Variants in SLC35F1 observed in about 807,000 individuals in gnomAD.
The protein encoded by SLC35F1 is solute carrier family 35 member F1.
Under a neutral mutation model 48.7 loss-of-function variants are expected in SLC35F1, and 14 were observed. That is an observed-to-expected ratio of 0.29 (90% CI 0.19 to 0.45). SLC35F1 has a LOEUF of 0.45. Ranked by LOEUF, SLC35F1 falls within the 20% of genes least tolerant of loss-of-function variation. The pLI is 1.00. For missense variants in SLC35F1, 404 were observed against 500.0 expected (o/e 0.81, Z 1.83); for synonymous variants, 190 against 202.2 (o/e 0.94, Z 0.51).
intron 1 of SLC35F1, among the ~76,000 whole-genome samples, chr6:117,993,210 C>T (rs1305270448): frequency 1.3e-5 from 2 of 152,126 alleles, no homozygotes; most frequent in African/African-American, 4.8e-5. Flanking sequence ...ATGCATTTAG[C>T]TCTTCTGGAG....
intron 2 of SLC35F1, among the ~76,000 whole-genome samples, chr6:118,167,234 G>C (rs1334430857): frequency 6.6e-6 from 1 of 152,078 alleles, no homozygotes; most frequent in Non-Finnish European, 1.5e-5. Flanking sequence ...CTGCGCAAGA[G>C]TACAAATCTG....
chr6:118,263,422 A>G (rs939657461), intron 3 of SLC35F1, among the ~76,000 whole-genome samples: 9 of 152,206 alleles, frequency 5.9e-5, no homozygotes, highest in African/African-American at 2.2e-4. Context: ...GATTCAAGGC[A>G]TAAGGAGAAT....
chr6:118,286,822 G>T (rs383574), intron 7 of SLC35F1, among the ~76,000 whole-genome samples: 9,527 of 149,622 alleles, frequency 0.064, 360 homozygotes, highest in South Asian at 0.12. Context: ...TGTGTGTGGT[G>T]AGAATACTTA....
chr6:118,170,580 T>C (rs1197500196), intron 2 of SLC35F1, among the ~76,000 whole-genome samples: 4 of 151,912 alleles, frequency 2.6e-5, no homozygotes, highest in African/African-American at 9.7e-5. Context: ...GCTGGGACTA[T>C]AGGTGTGCAC....
intron 2 of SLC35F1, among the ~76,000 whole-genome samples, chr6:118,220,073 C>T (rs778034414): frequency 1.2e-4 from 18 of 151,762 alleles, no homozygotes; most frequent in African/African-American, 3.6e-4. Context: ...ATGTAAATGA[C>T]GAGTAATGGG....
intron 1 of SLC35F1, among the ~76,000 whole-genome samples, chr6:118,080,120 T>C (rs1421987887): frequency 6.6e-6 from 1 of 152,200 alleles, no homozygotes; most frequent in Non-Finnish European, 1.5e-5. Context: ...TCTTTCTTTC[T>C]GAATGGTACC....
chr6:118,002,672 T>G (rs1390273252), intron 1 of SLC35F1, among the ~76,000 whole-genome samples: 1 of 152,032 alleles, frequency 6.6e-6, no homozygotes, highest in Admixed American at 6.6e-5. Context: ...AATAATTTTT[T>G]CAAGGTCATA....
chr6:118,313,910 A>G lies in SLC35F1; in HGVS notation c.1003-118A>G, dbSNP rs1291580487. ...CATTCTCCATCAACGGTGTTGGCCA[A>G]CTCATCATGCTGCCTGTTCTGAGAA... On this transcript the variant is annotated intron_variant, in intron 7 of 7. Transcript: ENST00000360388. 5 of 896,574 alleles carry G rather than the reference A, an allele frequency of 5.6e-6. No individual in the cohort carries two copies. In the African/African-American group the frequency reaches 6.6e-5, roughly 12 times the overall value. 55.5% of individuals were successfully genotyped at this position (896,574 alleles called of 1,614,324 possible).
chr6:118,121,003 T>A (rs567484886), intron 1 of SLC35F1, among the ~76,000 whole-genome samples: 2 of 152,144 alleles, frequency 1.3e-5, no homozygotes, highest in South Asian at 2.1e-4. Flanking sequence ...ATATATATAT[T>A]TTTTTATTTC....
intron 1 of SLC35F1, among the ~76,000 whole-genome samples, chr6:118,070,888 A>G (rs1441960974): frequency 1.6e-4 from 10 of 64,460 alleles, no homozygotes; most frequent in Non-Finnish European, 2.7e-4. Flanking sequence ...ATATATACAT[A>G]GTAAATATAT....
intron 1 of SLC35F1, among the ~76,000 whole-genome samples, chr6:117,996,565 G>A (rs2114862413): frequency 6.6e-6 from 1 of 152,262 alleles, no homozygotes; most frequent in African/African-American, 2.4e-5. Flanking sequence ...ACACGGCCGG[G>A]TACTCCTCTG....
At chr6:118,024,430 C>A (rs1032139484) in intron 1 of SLC35F1, among the ~76,000 whole-genome samples, 7 of 152,198 alleles carry the variant, frequency 4.6e-5, no homozygotes, top group Admixed American at 4.6e-4. Flanking sequence ...TGTCCAATTT[C>A]TTTGCAACTT....
At chr6:118,264,866 T>C (rs1264618860) in intron 3 of SLC35F1, among the ~76,000 whole-genome samples, 1 of 152,246 alleles carries the variant, frequency 6.6e-6, no homozygotes, top group Non-Finnish European at 1.5e-5. Flanking sequence ...AAACCTACCT[T>C]AGAGCATATT....
intron 1 of SLC35F1, among the ~76,000 whole-genome samples, chr6:118,112,082 C>CTTTCTTTTCTTTTCTTTTCT (rs202065600): frequency 6.5e-4 from 86 of 131,800 alleles, no homozygotes; most frequent in African/African-American, 2.2e-3. Flanking sequence ...TTCTTTATTT[C>CTTTCTTTTCTTTTCTTTTCT]TTTCTTTTCT....
At chr6:118,194,756 A>G (rs1340805022) in intron 2 of SLC35F1, among the ~76,000 whole-genome samples, 1 of 152,210 alleles carries the variant, frequency 6.6e-6, no homozygotes, top group Non-Finnish European at 1.5e-5. Flanking sequence ...GAGAGGGGCC[A>G]GAAGTCTGAC....
At chr6:118,310,068 C>T (rs1299721716) in intron 7 of SLC35F1, among the ~76,000 whole-genome samples, 4 of 152,198 alleles carry the variant, frequency 2.6e-5, no homozygotes, top group African/African-American at 9.7e-5. Flanking sequence ...TATCCTTTCT[C>T]AGATTCTTAG....
chr6:117,926,145 C>A (rs917463892), intron 1 of SLC35F1, among the ~76,000 whole-genome samples: 1 of 152,116 alleles, frequency 6.6e-6, no homozygotes, highest in Non-Finnish European at 1.5e-5. Flanking sequence ...ATAATCCCCA[C>A]TTGTCAAGGG....
chr6:117,913,288 A>G (rs910509506), intron 1 of SLC35F1, among the ~76,000 whole-genome samples: 1 of 152,232 alleles, frequency 6.6e-6, no homozygotes, highest in African/African-American at 2.4e-5. Context: ...TAATGGTAAC[A>G]TGAACATATA....
chr6:118,033,613 GT>G (rs11350721), intron 1 of SLC35F1, among the ~76,000 whole-genome samples: 138,155 of 145,046 alleles, frequency 0.95, 65,863 homozygotes, highest in Non-Finnish European at 0.98. Context: ...ATTCACACTA[GT>G]TTTTTTTTTT....
Sources: gnomAD v4.1 joint callset for allele counts (sites outside exome capture counted in the v4.1 genomes callset) on GRCh38, gnomAD v4.1.1 for gene constraint, MANE v1.5 for transcripts, NCBI Gene and HGNC (gene_info 2026-07-23, HGNC 2026-07-21) for gene names.